Variants in TECPR2 observed in about 807,000 individuals in gnomAD.
The protein encoded by TECPR2 is tectonin beta-propeller repeat containing 2.
TECPR2 carries 65 observed loss-of-function variants against 138.1 expected under a neutral mutation model. The ratio of observed to expected loss-of-function variants is 0.47; its 90% CI spans 0.39 to 0.58. The LOEUF is 0.58. TECPR2 is among the 20% of genes least tolerant of loss of function. The pLI, the probability that TECPR2 is intolerant of heterozygous loss-of-function variation, is 0.00. For missense variants in TECPR2, 1,553 were observed against 1,824.5 expected, an observed-to-expected ratio of 0.85 and a Z score of 2.71; for synonymous variants, 746 against 749.8, an observed-to-expected ratio of 0.99 and a Z score of 0.08.
intron 17 of TECPR2, among the ~76,000 whole-genome samples, chr14:102,484,929 G>C (rs1890988829): frequency 6.6e-6 from 1 of 152,262 alleles, no homozygotes; most frequent in African/African-American, 2.4e-5. Flanking sequence ...AAAGTGCTGG[G>C]ATTACAGGCG....
At chr14:102,437,078 C>G in intron 9 of TECPR2, 1 of 985,330 alleles carries the variant, frequency 1.0e-6, no homozygotes, top group Non-Finnish European at 1.2e-6. Flanking sequence ...TTTGGAGGTT[C>G]GGTGTGGAAG....
intron 1 of TECPR2, among the ~76,000 whole-genome samples, chr14:102,367,475 A>T (rs757565334): frequency 2.0e-5 from 3 of 152,114 alleles, no homozygotes; most frequent in Non-Finnish European, 4.4e-5. Context: ...TGCCTATTCT[A>T]GACATTTTGT....
intron 2 of TECPR2, among the ~76,000 whole-genome samples, chr14:102,397,601 G>T (rs1336882365): frequency 3.3e-5 from 5 of 151,866 alleles, no homozygotes; most frequent in Non-Finnish European, 5.9e-5. Flanking sequence ...ACAAAAACTA[G>T]CTGGGTGTGG....
chr14:102,480,305 A>G (rs1318816701), intron 17 of TECPR2, among the ~76,000 whole-genome samples: 11 of 151,444 alleles, frequency 7.3e-5, no homozygotes, highest in Admixed American at 7.2e-4. Context: ...GCTCACTGCA[A>G]GCTCCACCTC....
At chr14:102,387,973 A>T (rs1238756669) in intron 2 of TECPR2, among the ~76,000 whole-genome samples, 1 of 152,238 alleles carries the variant, frequency 6.6e-6, no homozygotes, top group South Asian at 2.1e-4. Context: ...AGCCTGAAAC[A>T]TGTCTTGGAT....
chr14:102,405,164 C>T (rs2139690549), intron 2 of TECPR2, among the ~76,000 whole-genome samples: 1 of 151,994 alleles, frequency 6.6e-6, no homozygotes, highest in African/African-American at 2.4e-5. Context: ...AAAAAATTAG[C>T]CAGGTGTGGT....
chr14:102,433,002 C>CAA (rs567150393), intron 8 of TECPR2, among the ~76,000 whole-genome samples: 13 of 51,576 alleles, frequency 2.5e-4, no homozygotes, highest in Admixed American at 4.4e-4. Context: ...GACTCCGTCT[C>CAA]AAAAAAAAAA....
intron 12 of TECPR2, among the ~76,000 whole-genome samples, chr14:102,444,959 C>T (rs1352989757): frequency 6.6e-6 from 1 of 151,846 alleles, no homozygotes; most frequent in Admixed American, 6.6e-5. Context: ...AACAGACAGA[C>T]AAAAAAAAGC....
intron 4 of TECPR2, among the ~76,000 whole-genome samples, chr14:102,411,904 A>G (rs1274422398): frequency 2.0e-5 from 3 of 152,016 alleles, no homozygotes. Context: ...ACTACCTCAT[A>G]AAGCAAATGG....
rs150349738 is a variant in TECPR2, at chr14:102,458,783, T to G, written c.3640+6156T>G. Among the ~76,000 whole-genome samples the G allele has an allele frequency of 1.5e-3, 228 of 152,074 alleles. 2 individuals carry two copies. The highest frequency in any genetic ancestry group is 0.013 in the South Asian group (63 of 4,818). On this transcript the variant is annotated intron_variant, in intron 16 of 19. Coordinates refer to ENST00000359520, the MANE Select transcript of TECPR2 (RefSeq NM_014844.5). ...GCACCTCCCCACCAGACATTCTTCA[T>G]TGACTGTCCCCATCATAGCACTGTG...
At chr14:102,476,736 G>T (rs957001276) in intron 17 of TECPR2, among the ~76,000 whole-genome samples, 3 of 152,186 alleles carry the variant, frequency 2.0e-5, no homozygotes, top group African/African-American at 7.2e-5. Context: ...AGAAGCCAAA[G>T]AATACATACT....
intron 16 of TECPR2, among the ~76,000 whole-genome samples, chr14:102,464,635 A>G (rs1046160722): frequency 1.3e-5 from 2 of 152,150 alleles, no homozygotes; most frequent in Non-Finnish European, 2.9e-5. Flanking sequence ...TCCACCCGCC[A>G]TGGCCTCTGA....
intron 1 of TECPR2, among the ~76,000 whole-genome samples, chr14:102,372,406 C>CA (rs1286153349): frequency 2.0e-5 from 3 of 152,080 alleles, no homozygotes; most frequent in African/African-American, 7.2e-5. Flanking sequence ...GCTGGGATTA[C>CA]AGGCATGCGC....
At position 102,370,871 on chromosome 14, in the gene TECPR2, A is replaced by G. The variant is rs544388766; in HGVS notation, c.-72-5779A>G. The stretch of plus-strand genomic sequence containing the variant: ...AGATGTACTGAATGGAGAATCGGGG[A>G]CATGGAGAGGAGAGGAGGAGGGATC... On this transcript the variant is annotated intron_variant, in intron 1 of 19. Transcript: ENST00000359520. Among the ~76,000 whole-genome samples, 6 of 152,270 alleles carry G rather than the reference A, an allele frequency of 3.9e-5. No individual in the cohort carries two copies. The South Asian group carries it at 1.2e-3, about 32-fold the overall frequency.
intron 11 of TECPR2, among the ~76,000 whole-genome samples, chr14:102,442,064 C>T (rs971081516): frequency 6.6e-6 from 1 of 152,140 alleles, no homozygotes; most frequent in Non-Finnish European, 1.5e-5. Flanking sequence ...CTGCAACCTC[C>T]ACTTCCTGGG....
intron 1 of TECPR2, among the ~76,000 whole-genome samples, chr14:102,373,186 TTG>T (rs1491523651): frequency 2.6e-5 from 4 of 151,288 alleles, no homozygotes; most frequent in African/African-American, 9.8e-5. Flanking sequence ...TACTTCATGT[TTG>T]TTTTTTTTTT....
At chr14:102,489,069 A>G (rs902229400) in intron 17 of TECPR2, among the ~76,000 whole-genome samples, 4 of 151,490 alleles carry the variant, frequency 2.6e-5, no homozygotes, top group African/African-American at 7.3e-5. Context: ...TTTAGTACAG[A>G]TGGAGTTTCA....
intron 2 of TECPR2, among the ~76,000 whole-genome samples, chr14:102,389,877 TA>T (rs1176847594): frequency 1.3e-5 from 2 of 152,234 alleles, no homozygotes; most frequent in African/African-American, 2.4e-5. Context: ...TTAAGAAAAT[TA>T]TTCCAGAAAA....
intron 2 of TECPR2, among the ~76,000 whole-genome samples, chr14:102,402,174 T>C (rs1248813792): frequency 1.3e-5 from 2 of 152,156 alleles, no homozygotes; most frequent in Non-Finnish European, 2.9e-5. Flanking sequence ...GTCAATAGAT[T>C]TTAAAAGATA....
Sources: gnomAD v4.1 joint callset for allele counts (sites outside exome capture counted in the v4.1 genomes callset) on GRCh38, gnomAD v4.1.1 for gene constraint, MANE v1.5 for transcripts, NCBI Gene and HGNC (gene_info 2026-07-23, HGNC 2026-07-21) for gene names.